GRIA1: variants seen among roughly 807,000 people sequenced by gnomAD.
GRIA1 encodes the protein glutamate ionotropic receptor AMPA type subunit 1, also known as glutamate receptor 1.
GRIA1 carries 31 observed loss-of-function variants against 99.2 expected under a neutral mutation model. The observed-to-expected ratio is 0.31, with a 90% CI of 0.23 to 0.42. The LOEUF (loss-of-function observed/expected upper bound fraction) is 0.42. Among genes scored for constraint, GRIA1 ranks in the 10% least tolerant of loss-of-function variants. The pLI is 1.00. For synonymous variants in GRIA1, 438 were observed against 432.4 expected (o/e 1.01, Z -0.16); for missense variants, 782 against 1,157.5 (o/e 0.68, Z 4.71).
chr5:153,492,138 C>T (rs1353861210), intron 1 of GRIA1: 20 of 1,423,588 alleles, frequency 1.4e-5, no homozygotes, highest in African/African-American at 9.9e-5. Flanking sequence ...GGAGTTTGTG[C>T]TCTTTTGTGA....
intron 1 of GRIA1, chr5:153,492,364 G>A: frequency 6.9e-7 from 1 of 1,451,982 alleles, no homozygotes; most frequent in Non-Finnish European, 9.1e-7. Context: ...CTTCAGGGGA[G>A]ACACTTCCCT....
At chr5:153,690,317 G>A (rs1757653565) in intron 8 of GRIA1, among the ~76,000 whole-genome samples, 1 of 151,976 alleles carries the variant, frequency 6.6e-6, no homozygotes, top group Non-Finnish European at 1.5e-5. Context: ...AACACTGACA[G>A]GGTGGCTAAG....
intron 7 of GRIA1, among the ~76,000 whole-genome samples, chr5:153,683,099 TG>T (rs998554917): frequency 6.6e-6 from 1 of 152,076 alleles, no homozygotes; most frequent in Admixed American, 6.5e-5. Context: ...CACCCTGGGA[TG>T]GGGGGAGAGA....
At chr5:153,688,703 C>A (rs74683978) in intron 8 of GRIA1, among the ~76,000 whole-genome samples, 37 of 152,190 alleles carry the variant, frequency 2.4e-4, no homozygotes, top group African/African-American at 8.9e-4. Context: ...CTCCCCAAGG[C>A]CATCTTCCTT....
chr5:153,518,316 T>C (rs1756820807), intron 2 of GRIA1, among the ~76,000 whole-genome samples: 2 of 152,182 alleles, frequency 1.3e-5, no homozygotes, highest in South Asian at 2.1e-4. Flanking sequence ...ACCTGCTCAG[T>C]GTAAGCGCCA....
chr5:153,644,419 CTGTT>C (rs1176666262), intron 2 of GRIA1, among the ~76,000 whole-genome samples: 7 of 152,172 alleles, frequency 4.6e-5, no homozygotes, highest in Non-Finnish European at 1.0e-4. Flanking sequence ...AGTCACATCT[CTGTT>C]TGGGTTCAGC....
chr5:153,772,410 T>G (rs998126631), intron 13 of GRIA1, among the ~76,000 whole-genome samples: 3 of 152,124 alleles, frequency 2.0e-5, no homozygotes, highest in African/African-American at 7.2e-5. Context: ...CAAAAGCCAC[T>G]AAGTGTTCTT....
At chr5:153,636,576 C>CT (rs946684450) in intron 2 of GRIA1, among the ~76,000 whole-genome samples, 3 of 152,174 alleles carry the variant, frequency 2.0e-5, no homozygotes, top group Admixed American at 2.0e-4. Context: ...TACTATTTGG[C>CT]TTTTTGCAGA....
rs551501043 is a variant in GRIA1, at chr5:153,658,808, G to A, written c.699+2936G>A. Among the ~76,000 whole-genome samples, 19 of 152,210 alleles carry A rather than the reference G, an allele frequency of 1.2e-4. No homozygotes were observed. The South Asian group carries it at 2.1e-3, about 17-fold the overall frequency. ...TTTTACAGTTCTTTCTGTCCCTGTC[G>A]GAATGCATGAGCTTCAAAGTAGCCA... is the stretch of plus-strand genomic sequence containing the variant. On this transcript the variant is annotated intron_variant, in intron 5 of 15. Transcript: ENST00000285900.
chr5:153,707,591 CT>C (rs1758997479), intron 11 of GRIA1, among the ~76,000 whole-genome samples: 1 of 152,168 alleles, frequency 6.6e-6, no homozygotes, highest in Admixed American at 6.5e-5. Flanking sequence ...ATGGACAGAT[CT>C]GGAGGCATAA....
intron 11 of GRIA1, among the ~76,000 whole-genome samples, chr5:153,732,694 C>T (rs966378350): frequency 1.3e-5 from 2 of 151,922 alleles, no homozygotes; most frequent in Non-Finnish European, 2.9e-5. Flanking sequence ...ATTTTGATTG[C>T]TTCCTTTGAT....
intron 12 of GRIA1, among the ~76,000 whole-genome samples, chr5:153,768,394 A>G (rs1763657826): frequency 6.6e-6 from 1 of 152,170 alleles, no homozygotes; most frequent in Non-Finnish European, 1.5e-5. Flanking sequence ...CCCAAAGAGA[A>G]GGGACTCTCC....
chr5:153,550,371 G>A (rs1760026301), intron 2 of GRIA1, among the ~76,000 whole-genome samples: 1 of 151,824 alleles, frequency 6.6e-6, no homozygotes, highest in South Asian at 2.1e-4. Flanking sequence ...AGGCATTGGG[G>A]TGGGCTTTAA....
At position 153,706,821 on chromosome 5, in the gene GRIA1, G is replaced by A. The variant is rs141664008; in HGVS notation, c.1823+754G>A. Among the ~76,000 whole-genome samples the A allele has an allele frequency of 4.2e-3, 637 of 152,306 alleles. 3 individuals carry two copies. Among genetic ancestry groups the A allele is most frequent in the African/African-American group, 0.014 (588 of 41,566 alleles). On this transcript the variant is annotated intron_variant, in intron 11 of 15. Coordinates refer to ENST00000285900, the MANE Select transcript of GRIA1 (RefSeq NM_000827.4). ...TAAAAAGTGGAATTTCAGGCCAGGC[G>A]TGGTGGCTCACGCCTGTAATCCTAG...
At chr5:153,801,744 T>C (rs1205800643) in intron 14 of GRIA1, among the ~76,000 whole-genome samples, 1 of 152,214 alleles carries the variant, frequency 6.6e-6, no homozygotes, top group Non-Finnish European at 1.5e-5. Flanking sequence ...CCCCTAGTTT[T>C]TCTTCCCCCT....
intron 2 of GRIA1, among the ~76,000 whole-genome samples, chr5:153,559,597 T>C (rs1480750198): frequency 6.6e-6 from 1 of 152,202 alleles, no homozygotes; most frequent in Non-Finnish European, 1.5e-5. Flanking sequence ...TGACTGTATG[T>C]GCTATACTTT....
Position 153,650,498 on chromosome 5 carries a change from A to G in GRIA1, c.629A>G (p.Asn210Ser), listed in dbSNP as rs767651587. Residue 210 changes from asparagine to serine, a missense_variant, in exon 4 of 16, where the codon AAT (asparagine) becomes AGT (serine). Asn to Ser is a conservative substitution (Grantham distance 46). Transcript: ENST00000285900. ...VVVDCESERLNAILGQIIKLE... is the reference protein window; with the variant it reads ...VVVDCESERLSAILGQIIKLE... ...GTGGACTGTGAATCAGAACGCCTCAATGCTATCTTGGGCCAGGTAGTGAAA... is the reference window on the plus strand; with the variant it reads ...GTGGACTGTGAATCAGAACGCCTCAGTGCTATCTTGGGCCAGGTAGTGAAA... 19 of 1,613,670 alleles carry G rather than the reference A, an allele frequency of 1.2e-5. No individual in the cohort carries two copies. The highest frequency in any genetic ancestry group is 4.5e-5 in the East Asian group (2 of 44,866).
intron 2 of GRIA1, among the ~76,000 whole-genome samples, chr5:153,505,132 G>A (rs1755371602): frequency 1.3e-5 from 2 of 152,210 alleles, no homozygotes; most frequent in South Asian, 4.1e-4. Context: ...AAACAGGGCA[G>A]TATGGTTCTT....
At chr5:153,554,690 C>T (rs5005057) in intron 2 of GRIA1, among the ~76,000 whole-genome samples, 70,724 of 151,744 alleles carry the variant, frequency 0.47, 18,190 homozygotes, top group Non-Finnish European at 0.59. Context: ...GACGGGGTTC[C>T]CCCATGTTGG....
Sources: allele counts gnomAD v4.1 joint callset (sites outside exome capture counted in the v4.1 genomes callset), GRCh38; gene constraint gnomAD v4.1.1; transcripts MANE v1.5; gene names NCBI Gene and HGNC (gene_info 2026-07-23, HGNC 2026-07-21).